BORCS5: variants seen among roughly 807,000 people sequenced by gnomAD.
BORCS5 encodes the protein BLOC-1-related complex subunit 5.
A neutral mutation model predicts 22.1 loss-of-function variants in BORCS5; 17 were observed. That is an observed-to-expected ratio of 0.77 (90% CI 0.53 to 1.15). The LOEUF is 1.15. Among genes scored for constraint, BORCS5 ranks in the 50% most tolerant of loss-of-function variants. BORCS5 has a pLI of 0.00. For missense variants in BORCS5, 247 were observed against 253.2 expected (o/e 0.98, Z 0.17); for synonymous variants, 117 against 99.8 (o/e 1.17, Z -1.03).
At chr12:12,444,420 A>G (rs1388453411) in intron 3 of BORCS5, among the ~76,000 whole-genome samples, 1 of 152,192 alleles carries the variant, frequency 6.6e-6, no homozygotes, top group African/African-American at 2.4e-5. Context: ...CACCTTGCTG[A>G]TAGTGTCCAG....
intron 2 of BORCS5, among the ~76,000 whole-genome samples, chr12:12,410,852 C>A (rs769108715): frequency 6.6e-6 from 1 of 152,090 alleles, no homozygotes; most frequent in East Asian, 1.9e-4. Context: ...ATTCTTCCTA[C>A]CCATGAGCAT....
chr12:12,381,346 C>T (rs1863771722), intron 2 of BORCS5, among the ~76,000 whole-genome samples: 1 of 151,320 alleles, frequency 6.6e-6, no homozygotes, highest in South Asian at 2.1e-4. Context: ...GCATTTAGGC[C>T]TGTGATCCTT....
At chr12:12,419,740 A>T (rs1942065616) in intron 2 of BORCS5, among the ~76,000 whole-genome samples, 1 of 152,134 alleles carries the variant, frequency 6.6e-6, no homozygotes, top group Admixed American at 6.5e-5. Context: ...TGCCATTCTA[A>T]TTGGCATGAG....
At chr12:12,409,555 G>T (rs1941672142) in intron 2 of BORCS5, among the ~76,000 whole-genome samples, 1 of 152,118 alleles carries the variant, frequency 6.6e-6, no homozygotes, top group Non-Finnish European at 1.5e-5. Context: ...CAAAGGACAT[G>T]AACTCATCAT....
intron 2 of BORCS5, among the ~76,000 whole-genome samples, chr12:12,400,194 T>C (rs948625403): frequency 6.6e-6 from 1 of 152,186 alleles, no homozygotes; most frequent in African/African-American, 2.4e-5. Flanking sequence ...GATTTTTAGC[T>C]TTTTCACTAG....
intron 2 of BORCS5, among the ~76,000 whole-genome samples, chr12:12,396,969 C>G (rs1262399237): frequency 2.6e-5 from 4 of 152,106 alleles, no homozygotes; most frequent in Non-Finnish European, 5.9e-5. Flanking sequence ...AGGCCTTTTC[C>G]TTTGTCTTTT....
At chr12:12,390,949 C>A (rs1241689045) in intron 2 of BORCS5, among the ~76,000 whole-genome samples, 1 of 151,874 alleles carries the variant, frequency 6.6e-6, no homozygotes, top group Non-Finnish European at 1.5e-5. Flanking sequence ...AGAAGAGGTA[C>A]CAGAAGCTTA....
At chr12:12,368,771 A>G (rs1274938159) in intron 2 of BORCS5, among the ~76,000 whole-genome samples, 3 of 152,004 alleles carry the variant, frequency 2.0e-5, no homozygotes, top group Non-Finnish European at 4.4e-5. Flanking sequence ...CTGTTTGTCC[A>G]TCATCTTGCT....
rs541799541 is a variant in BORCS5, at chr12:12,420,387, T to G, written c.203-15241T>G. 1.4e-4 allele frequency among the ~76,000 whole-genome samples: 21 copies of G among 152,342 alleles called. No individual in the cohort carries two copies. In the South Asian group the frequency reaches 4.4e-3, roughly 32 times the overall value. ...GTGGTGTTATTTCTGAGGGCTCTGT[T>G]CTGTTCCATTGGTCTATATCTCTGT... On this transcript the variant is annotated intron_variant, in intron 2 of 3. Transcript: ENST00000314565.
intron 2 of BORCS5, among the ~76,000 whole-genome samples, chr12:12,408,341 G>A (rs1941639308): frequency 6.6e-6 from 1 of 152,148 alleles, no homozygotes; most frequent in African/African-American, 2.4e-5. Context: ...GGGTCATGTG[G>A]TAATTCTATG....
intron 1 of BORCS5, among the ~76,000 whole-genome samples, chr12:12,359,257 A>G (rs1221508028): frequency 1.3e-5 from 2 of 152,036 alleles, no homozygotes; most frequent in Non-Finnish European, 1.5e-5. Context: ...TAATGCTATA[A>G]TTTTAAGAGT....
chr12:12,437,555 G>A (rs1282958146), intron 3 of BORCS5, among the ~76,000 whole-genome samples: 5 of 152,122 alleles, frequency 3.3e-5, no homozygotes, highest in African/African-American at 9.7e-5. Context: ...GAGGTCAAAC[G>A]ATTTGCATAT....
In BORCS5 at chr12:12,465,740, C is replaced by T. The variant is rs1943190082; in HGVS notation, c.555C>T (p.Pro185=). The change falls in exon 4 of 4, where the codon CCC becomes CCT. Residue 185 remains proline, a synonymous_variant. Transcript: ENST00000314565. ...SMLPEGERLE[P]FSMKPDRELR... is the part of the protein sequence containing the mutation. Reference sequence around the variant, plus strand: ...TGCCCGAGGGCGAGCGGCTGGAGCCCTTCAGCATGAAGCCCGACCGCGAGC... The same window carrying T: ...TGCCCGAGGGCGAGCGGCTGGAGCCTTTCAGCATGAAGCCCGACCGCGAGC... 1 of 1,613,966 alleles carries T rather than the reference C, an allele frequency of 6.2e-7. No individual in the cohort carries two copies. The highest frequency in any genetic ancestry group is 2.2e-5 in the East Asian group (1 of 44,888).
chr12:12,456,118 T>C (rs1048582635), intron 3 of BORCS5, among the ~76,000 whole-genome samples: 20 of 152,204 alleles, frequency 1.3e-4, no homozygotes, highest in South Asian at 8.3e-4. Flanking sequence ...AAAATTTACC[T>C]TTACTTTGAA....
chr12:12,437,689 C>T (rs1169144651), intron 3 of BORCS5, among the ~76,000 whole-genome samples: 1 of 152,170 alleles, frequency 6.6e-6, no homozygotes, highest in Non-Finnish European at 1.5e-5. Context: ...TCTTAGGTAA[C>T]ATTTATTAAT....
intron 3 of BORCS5, among the ~76,000 whole-genome samples, chr12:12,439,601 A>T (rs141649975): frequency 7.2e-5 from 11 of 152,324 alleles, no homozygotes; most frequent in African/African-American, 2.6e-4. Flanking sequence ...AGTCTGGGCT[A>T]CAGAGCAAGA....
chr12:12,398,024 C>T (rs994383643), intron 2 of BORCS5, among the ~76,000 whole-genome samples: 7 of 152,142 alleles, frequency 4.6e-5, no homozygotes, highest in Non-Finnish European at 1.0e-4. Flanking sequence ...AAGTTAGGAG[C>T]AATGCTTTGT....
In BORCS5 at chr12:12,417,045, C is replaced by T. The variant is rs553167879; in HGVS notation, c.203-18583C>T. The stretch of plus-strand genomic sequence containing the variant: ...ACCTCAAGTGATCCACCCGCCTTGG[C>T]CTCCCAAAGTGCTGGGATTACAGGT... On this transcript the variant is annotated intron_variant, in intron 2 of 3. Transcript: ENST00000314565. Among the ~76,000 whole-genome samples, 3 of 152,142 alleles carry T rather than the reference C, an allele frequency of 2.0e-5. No homozygotes were observed. The South Asian group carries it at 6.2e-4, about 32-fold the overall frequency.
In BORCS5 at chr12:12,438,385, A is replaced by AAAAAAAAAAAAAAAAAAAAAAAACAC. The variant is rs1555156048; in HGVS notation, c.360+2602_360+2603insAAAAAAAAAAAAAAAAAAAAACACAA. Reference sequence around the variant, plus strand: ...CAAAAAAAAAAAAAAAAAAAACGAAAAACAACAACAAAAACCTCTAATCCA... The same window carrying AAAAAAAAAAAAAAAAAAAAAAAACAC: ...CAAAAAAAAAAAAAAAAAAAACGAAAAAAAAAAAAAAAAAAAAAAAAAACACAACAACAACAAAAACCTCTAATCCA... On this transcript the variant is annotated intron_variant, in intron 3 of 3. Coordinates refer to ENST00000314565, the MANE Select transcript of BORCS5 (RefSeq NM_058169.6). Among the ~76,000 whole-genome samples the AAAAAAAAAAAAAAAAAAAAAAAACAC allele has an allele frequency of 7.9e-5, 10 of 126,136 alleles. 2 individuals carry two copies. Among genetic ancestry groups the AAAAAAAAAAAAAAAAAAAAAAAACAC allele is most frequent in the Middle Eastern group, 4.0e-3 (1 of 248 alleles). 82.8% of individuals were successfully genotyped at this position (126,136 alleles called of 152,430 possible).
Sources: allele counts gnomAD v4.1 joint callset (sites outside exome capture counted in the v4.1 genomes callset), GRCh38; gene constraint gnomAD v4.1.1; transcripts MANE v1.5; gene names NCBI Gene and HGNC (gene_info 2026-07-23, HGNC 2026-07-21).